CACNA2D1: variants seen among roughly 807,000 people sequenced by gnomAD.
CACNA2D1 encodes the protein voltage-dependent calcium channel subunit alpha-2/delta-1.
Under a neutral mutation model 171.5 loss-of-function variants are expected in CACNA2D1, and 53 were observed. That is an observed-to-expected ratio of 0.31 (90% CI 0.25 to 0.39). CACNA2D1 has a LOEUF of 0.39. Ranked by LOEUF, CACNA2D1 falls within the 10% of genes least tolerant of loss-of-function variation. CACNA2D1 has a pLI of 1.00. For missense variants in CACNA2D1, 903 were observed against 1,299.8 expected (o/e 0.69, Z 4.69); for synonymous variants, 442 against 443.1 (o/e 1.00, Z 0.03).
intron 3 of CACNA2D1, among the ~76,000 whole-genome samples, chr7:82,237,827 A>C (rs2129289622): frequency 6.6e-6 from 1 of 152,160 alleles, no homozygotes; most frequent in South Asian, 2.1e-4. Context: ...ATCAAACCAT[A>C]AAACACATTA....
intron 36 of CACNA2D1, 27 bp downstream of exon 36, chr7:81,961,867 G>A (rs541068286): frequency 6.7e-7 from 1 of 1,503,682 alleles, no homozygotes; most frequent in Admixed American, 1.7e-5. Context: ...TAATGAAATA[G>A]GACTACTCCT....
At chr7:82,402,816 G>C (rs1826588540) in intron 1 of CACNA2D1, among the ~76,000 whole-genome samples, 1 of 151,762 alleles carries the variant, frequency 6.6e-6, no homozygotes, top group Non-Finnish European at 1.5e-5. Context: ...AAATAAAGAG[G>C]GGACATGATC....
rs1584119331 is a variant in CACNA2D1, at chr7:81,949,819, A to T, written c.*573T>A. 6.6e-6 allele frequency: 1 copy of T among 152,568 alleles called. No homozygotes were observed. Among genetic ancestry groups the T allele is most frequent in the African/African-American group, 2.4e-5 (1 of 41,446 alleles). 9.5% of individuals were successfully genotyped at this position (152,568 alleles called of 1,614,324 possible). The stretch of plus-strand genomic sequence containing the variant: ...ATTTTTGGCAAAGAAGCCGTTCTTC[A>T]TAAGGCATTTTATTCATGGCAAATT... On this transcript the variant is annotated 3_prime_UTR_variant, in exon 39 of 39. Transcript: ENST00000356860.
chr7:82,068,946 TATTAC>T (rs746374565), intron 7 of CACNA2D1, among the ~76,000 whole-genome samples: 80 of 152,304 alleles, frequency 5.3e-4, no homozygotes, highest in Non-Finnish European at 1.0e-3. Context: ...TGAGCCAGAC[TATTAC>T]ATTTTAATAT....
intron 7 of CACNA2D1, among the ~76,000 whole-genome samples, chr7:82,070,862 G>C (rs1302412316): frequency 6.6e-6 from 1 of 152,096 alleles, no homozygotes; most frequent in African/African-American, 2.4e-5. Flanking sequence ...GTACCTATTT[G>C]AACATCAAAT....
chr7:82,135,067 A>C (rs566032917), intron 5 of CACNA2D1, among the ~76,000 whole-genome samples: 1 of 152,250 alleles, frequency 6.6e-6, no homozygotes, highest in African/African-American at 2.4e-5. Context: ...ATATAAATGT[A>C]ACTTCTTTAA....
chr7:82,083,695 T>G (rs2129009885), intron 7 of CACNA2D1, among the ~76,000 whole-genome samples: 1 of 152,236 alleles, frequency 6.6e-6, no homozygotes, highest in Non-Finnish European at 1.5e-5. Context: ...GGAAAAAAAT[T>G]ATTACTGATT....
chr7:82,231,552 T>C (rs1802933117), intron 3 of CACNA2D1, among the ~76,000 whole-genome samples: 1 of 152,164 alleles, frequency 6.6e-6, no homozygotes, highest in Non-Finnish European at 1.5e-5. Flanking sequence ...GCTACCTCAA[T>C]TTTGTAGATT....
intron 10 of CACNA2D1, chr7:82,050,673 A>T: frequency 1.4e-6 from 1 of 700,888 alleles, no homozygotes; most frequent in Non-Finnish European, 2.6e-6. Flanking sequence ...TAATGCTTAG[A>T]CTTAAATGTG....
chr7:82,113,620 C>T (rs1788696950), intron 6 of CACNA2D1, among the ~76,000 whole-genome samples: 1 of 152,154 alleles, frequency 6.6e-6, no homozygotes, highest in Non-Finnish European at 1.5e-5. Context: ...AGTGTAGCTA[C>T]ACAACTGTCT....
chr7:81,963,774 GAA>G (rs1384547766), intron 34 of CACNA2D1, among the ~76,000 whole-genome samples: 1 of 151,884 alleles, frequency 6.6e-6, no homozygotes, highest in Non-Finnish European at 1.5e-5. Flanking sequence ...TAATACAAAT[GAA>G]AAGAGTTTCA....
At chr7:82,429,888 A>T (rs1829526710) in intron 1 of CACNA2D1, among the ~76,000 whole-genome samples, 1 of 152,170 alleles carries the variant, frequency 6.6e-6, no homozygotes, top group Non-Finnish European at 1.5e-5. Context: ...ACTGACAGCC[A>T]AGCAGCTAAT....
At chr7:82,335,541 G>A (rs42237) in intron 2 of CACNA2D1, among the ~76,000 whole-genome samples, 1 of 151,834 alleles carries the variant, frequency 6.6e-6, no homozygotes, top group Non-Finnish European at 1.5e-5. Flanking sequence ...CTCCAATCTC[G>A]AAACTGGGTA....
intron 4 of CACNA2D1, among the ~76,000 whole-genome samples, chr7:82,142,889 T>G (rs2237511): frequency 0.22 from 33,114 of 152,130 alleles, 4,301 homozygotes; most frequent in African/African-American, 0.37. Flanking sequence ...ATAGCTCAAA[T>G]TTTCTGGAAA....
At chr7:82,418,485 T>G (rs920813805) in intron 1 of CACNA2D1, among the ~76,000 whole-genome samples, 14 of 152,196 alleles carry the variant, frequency 9.2e-5, no homozygotes, top group African/African-American at 3.4e-4. Context: ...GAGATACTAC[T>G]TTTTGATAGA....
At position 82,147,125 on chromosome 7, in the gene CACNA2D1, G is replaced by A. The variant is rs1047722092; in HGVS notation, c.355-10449C>T. 3.2e-4 allele frequency among the ~76,000 whole-genome samples: 48 copies of A among 149,924 alleles called. 1 individual carries two copies. The highest frequency in any genetic ancestry group is 6.9e-4 in the African/African-American group (28 of 40,668). On this transcript the variant is annotated intron_variant, in intron 4 of 38. Coordinates refer to ENST00000356860, the MANE Select transcript of CACNA2D1 (RefSeq NM_000722.4). The stretch of plus-strand genomic sequence containing the variant: ...AAAGTGTAGAGCTTTACAAAAGCTC[G>A]AATAAGTTAAAAGGTAGGCTACTTT...
intron 2 of CACNA2D1, among the ~76,000 whole-genome samples, chr7:82,340,712 C>T (rs1425284462): frequency 6.6e-6 from 1 of 152,076 alleles, no homozygotes; most frequent in African/African-American, 2.4e-5. Context: ...TTCAAGGATA[C>T]CCATTATTAC....
intron 38 of CACNA2D1, among the ~76,000 whole-genome samples, chr7:81,955,980 A>ATATATATATT (rs58075516): frequency 1.5e-3 from 52 of 34,544 alleles, no homozygotes; most frequent in African/African-American, 4.4e-3. Flanking sequence ...ATATATATAT[A>ATATATATATT]TTTTTTTTTT....
At chr7:82,186,238 G>A (rs1409809362) in intron 3 of CACNA2D1, among the ~76,000 whole-genome samples, 2 of 99,776 alleles carry the variant, frequency 2.0e-5, no homozygotes, top group African/African-American at 7.7e-5. Flanking sequence ...AGAGAAGGAA[G>A]GAAGGAAGGA....
Sources: gnomAD v4.1 joint callset for allele counts (sites outside exome capture counted in the v4.1 genomes callset) on GRCh38, gnomAD v4.1.1 for gene constraint, MANE v1.5 for transcripts, NCBI Gene and HGNC (gene_info 2026-07-23, HGNC 2026-07-21) for gene names.